AMD1: variants seen among roughly 807,000 people sequenced by gnomAD.
The protein encoded by AMD1 is adenosylmethionine decarboxylase 1, also known as S-adenosylmethionine decarboxylase proenzyme.
In AMD1, 11 loss-of-function variants were observed where a neutral mutation model predicts 40.2. The ratio of observed to expected loss-of-function variants is 0.27; its 90% CI spans 0.17 to 0.45. The LOEUF (loss-of-function observed/expected upper bound fraction) is 0.45. Among genes scored for constraint, AMD1 ranks in the 20% least tolerant of loss-of-function variants. AMD1 has a pLI of 1.00. For synonymous variants in AMD1, 121 were observed against 130.8 expected (o/e 0.93, Z 0.51); for missense variants, 257 against 410.2 (o/e 0.63, Z 3.23).
the AMD1 span, chr6:110,858,376 C>T: frequency 4.9e-6 from 4 of 820,190 alleles, no homozygotes; most frequent in Admixed American, 1.8e-5. Context: ...GCCTCTCCAT[C>T]GGCCCCGACT....
Position 110,887,681 on chromosome 6 carries a change from G to T in AMD1, c.197+90G>T. ...AGTTCCTCTCAGTTGTAGTTCTGGG[G>T]GTTTTTTTGTTTTGTTTTGTTTTTT... is the stretch of plus-strand genomic sequence containing the variant. On this transcript the variant is annotated intron_variant, in intron 2 of 8. Transcript: ENST00000368885. 7.2e-6 allele frequency: 7 copies of T among 977,098 alleles called. No individual in the cohort carries two copies. The South Asian group carries it at 1.2e-4, about 17-fold the overall frequency. The allele number at this position is 977,098 out of a possible 1,614,324, so 60.5% of individuals were successfully genotyped here.
intron 1 of AMD1, among the ~76,000 whole-genome samples, chr6:110,877,366 A>G (rs978247699): frequency 1.3e-5 from 2 of 152,258 alleles, no homozygotes; most frequent in African/African-American, 4.8e-5. Context: ...ATTTACCAGG[A>G]TGTTTAAAAA....
At chr6:110,878,910 T>C (rs79268636) in intron 1 of AMD1, among the ~76,000 whole-genome samples, 5,520 of 152,306 alleles carry the variant, frequency 0.036, 130 homozygotes, top group Middle Eastern at 0.071. Context: ...TCATGACTTA[T>C]TTGACTACAT....
At chr6:110,846,557 T>A in the AMD1 span, among the ~76,000 whole-genome samples, 21 of 152,174 alleles carry the variant, frequency 1.4e-4, no homozygotes, top group African/African-American at 4.6e-4. Flanking sequence ...TACAGTTAAA[T>A]CTTTTTAGAA....
chr6:110,821,637 G>T, the AMD1 span, among the ~76,000 whole-genome samples: 4 of 151,716 alleles, frequency 2.6e-5, no homozygotes, highest in Admixed American at 6.6e-5. Context: ...AGAAAGAAAA[G>T]AAAAAATCTG....
chr6:110,889,365 T>G (rs1427541810), intron 3 of AMD1: 1 of 154,764 alleles, frequency 6.5e-6, no homozygotes, highest in Non-Finnish European at 1.4e-5. Flanking sequence ...CAGTATTGAG[T>G]TAAATTCTTA....
the AMD1 span, among the ~76,000 whole-genome samples, chr6:110,850,199 TGACA>T: frequency 6.6e-6 from 1 of 152,158 alleles, no homozygotes; most frequent in Non-Finnish European, 1.5e-5. Context: ...TGCAACTTCC[TGACA>T]GACAAAGCTC....
the AMD1 span, among the ~76,000 whole-genome samples, chr6:110,824,914 A>T: frequency 1.3e-5 from 2 of 152,288 alleles, no homozygotes; most frequent in Admixed American, 6.5e-5. Flanking sequence ...TTTTACCTAT[A>T]TGAAAACTGA....
the AMD1 span, among the ~76,000 whole-genome samples, chr6:110,843,762 T>G: frequency 4.6e-5 from 7 of 151,536 alleles, no homozygotes; most frequent in African/African-American, 1.5e-4. Flanking sequence ...ATTTTTGTAG[T>G]TTTTTTTGTA....
chr6:110,877,406 A>AC (rs1785172723), intron 1 of AMD1, among the ~76,000 whole-genome samples: 1 of 152,278 alleles, frequency 6.6e-6, no homozygotes, highest in Admixed American at 6.5e-5. Flanking sequence ...TCCTTGAATC[A>AC]CCTAAAATCA....
the AMD1 span, among the ~76,000 whole-genome samples, chr6:110,868,958 G>A: frequency 6.6e-6 from 1 of 151,616 alleles, no homozygotes; most frequent in Admixed American, 6.6e-5. Flanking sequence ...TACTCGGGAG[G>A]CTGAAGCAGC....
the AMD1 span, among the ~76,000 whole-genome samples, chr6:110,842,962 G>A: frequency 2.6e-5 from 4 of 151,822 alleles, no homozygotes; most frequent in Admixed American, 6.6e-5. Flanking sequence ...ATGAAACCCC[G>A]TCTCTACTAA....
chr6:110,863,831 G>C, the AMD1 span: 1 of 372,672 alleles, frequency 2.7e-6, no homozygotes, highest in African/African-American at 2.2e-5. Context: ...TGGAGCTTAA[G>C]AAGTTCATTG....
the AMD1 span, among the ~76,000 whole-genome samples, chr6:110,861,251 G>C: frequency 1.3e-5 from 2 of 151,406 alleles, no homozygotes; most frequent in Non-Finnish European, 3.0e-5. Context: ...CCAGCTACTC[G>C]GGAGGCTGAG....
intron 1 of AMD1, among the ~76,000 whole-genome samples, chr6:110,881,605 C>G (rs1785412649): frequency 6.6e-6 from 1 of 151,960 alleles, no homozygotes; most frequent in African/African-American, 2.4e-5. Context: ...TGCTTGAGGT[C>G]AGGAGTTCGA....
the AMD1 span, among the ~76,000 whole-genome samples, chr6:110,830,401 C>G: frequency 1.3e-5 from 2 of 152,166 alleles, no homozygotes; most frequent in Non-Finnish European, 2.9e-5. Flanking sequence ...GGACTCAACT[C>G]CAGACCAGAT....
chr6:110,890,443 T>C (rs764880452), intron 4 of AMD1, 87 bp downstream of exon 4: 5 of 960,110 alleles, frequency 5.2e-6, no homozygotes, highest in African/African-American at 3.3e-5. Flanking sequence ...AGCATACTTA[T>C]GCATATATAG....
At chr6:110,867,263 C>G in the AMD1 span, among the ~76,000 whole-genome samples, 2 of 152,210 alleles carry the variant, frequency 1.3e-5, no homozygotes, top group African/African-American at 2.4e-5. Flanking sequence ...ATCCTCCTGC[C>G]TCAGCTTCCC....
At chr6:110,838,610 GCA>G in the AMD1 span, among the ~76,000 whole-genome samples, 3 of 151,798 alleles carry the variant, frequency 2.0e-5, no homozygotes, top group Non-Finnish European at 4.4e-5. Flanking sequence ...TGTAATCCTG[GCA>G]CTTTGGGAGG....
Sources: gnomAD v4.1 joint callset for allele counts (sites outside exome capture counted in the v4.1 genomes callset) on GRCh38, gnomAD v4.1.1 for gene constraint, MANE v1.5 for transcripts, NCBI Gene and HGNC (gene_info 2026-07-23, HGNC 2026-07-21) for gene names.